WASL: variants seen among roughly 807,000 people sequenced by gnomAD.
WASL encodes actin nucleation-promoting factor WASL.
Under a neutral mutation model 55.5 loss-of-function variants are expected in WASL, and 20 were observed. The ratio of observed to expected loss-of-function variants is 0.36; its 90% CI spans 0.25 to 0.52. The LOEUF (loss-of-function observed/expected upper bound fraction) is 0.52, where lower values mean the gene tolerates loss of function less well. Among genes scored for constraint, WASL ranks in the 20% least tolerant of loss-of-function variants. The pLI, the probability that WASL is intolerant of heterozygous loss-of-function variation, is 0.92. For missense variants in WASL, 504 were observed against 622.5 expected, an observed-to-expected ratio of 0.81 and a Z score of 2.03; for synonymous variants, 249 against 217.6, an observed-to-expected ratio of 1.14 and a Z score of -1.27.
chr7:123,709,379 G>A (rs1257737536), intron 1 of WASL, among the ~76,000 whole-genome samples, 156 bp from the exon 2 acceptor site: 1 of 152,152 alleles, frequency 6.6e-6, no homozygotes, highest in Non-Finnish European at 1.5e-5. Flanking sequence ...GTTATTTTAA[G>A]CCACTAGTTT....
chr7:123,733,913 CAAAAAAA>C (rs33913069), intron 1 of WASL, among the ~76,000 whole-genome samples: 7 of 110,798 alleles, frequency 6.3e-5, no homozygotes, highest in Non-Finnish European at 1.1e-4. Flanking sequence ...ATCCACGTGC[CAAAAAAA>C]AAAAAAAAAA....
chr7:123,687,295 G>A (rs1055788661), intron 10 of WASL, among the ~76,000 whole-genome samples: 1 of 152,020 alleles, frequency 6.6e-6, no homozygotes, highest in African/African-American at 2.4e-5. Context: ...ACCCTCCAAT[G>A]GCTTCCCATC....
intron 9 of WASL, among the ~76,000 whole-genome samples, chr7:123,689,999 G>A (rs1190725762): frequency 6.6e-6 from 1 of 151,946 alleles, no homozygotes; most frequent in Non-Finnish European, 1.5e-5. Flanking sequence ...AAAATTCAAA[G>A]TGGTTCCCCC....
chr7:123,707,023 C>T (rs549748708), intron 2 of WASL, among the ~76,000 whole-genome samples, 197 bp from the exon 3 acceptor site: 227 of 152,176 alleles, frequency 1.5e-3, no homozygotes, highest in African/African-American at 5.0e-3. Flanking sequence ...CACTGGATAA[C>T]GTATCTTTCA....
At chr7:123,691,569 G>A (rs899409207) in intron 9 of WASL, among the ~76,000 whole-genome samples, 18 of 152,180 alleles carry the variant, frequency 1.2e-4, no homozygotes, top group African/African-American at 2.4e-4. Context: ...GTGCTTCTGC[G>A]GTAAAACAGC....
chr7:123,704,733 A>C (rs1803641288), intron 4 of WASL, 76 bp from the exon 5 acceptor site: 5 of 1,001,544 alleles, frequency 5.0e-6, no homozygotes, highest in Non-Finnish European at 7.0e-6. Context: ...TAATTCACTA[A>C]ACTGTCTTAT....
At chr7:123,687,044 A>C (rs1024239007) in intron 10 of WASL, among the ~76,000 whole-genome samples, 6 of 152,044 alleles carry the variant, frequency 3.9e-5, no homozygotes, top group African/African-American at 1.4e-4. Context: ...TCAAACTCCT[A>C]ATCTTCCCTC....
intron 1 of WASL, among the ~76,000 whole-genome samples, chr7:123,713,150 TTC>T (rs1219684681): frequency 6.6e-6 from 1 of 152,154 alleles, no homozygotes; most frequent in Non-Finnish European, 1.5e-5. Context: ...TAAACATATT[TTC>T]TCTTTTTATT....
chr7:123,704,267 C>A (rs1362745758), intron 5 of WASL, among the ~76,000 whole-genome samples: 1 of 152,094 alleles, frequency 6.6e-6, no homozygotes, highest in African/African-American at 2.4e-5. Context: ...ATATTCTAGA[C>A]AAAATGTACT....
chr7:123,696,658 G>A lies in WASL; in HGVS notation c.550C>T (p.His184Tyr), dbSNP rs1803497236. The change falls in exon 6 of 11, where the codon CAT becomes TAT. Residue 184 changes from histidine to tyrosine, a missense_variant. By Grantham distance (83) the His-to-Tyr change is moderately conservative. Transcript: ENST00000223023. ...FYGPQVNNISHTKEKKKGKAK... is the reference protein window; with the variant it reads ...FYGPQVNNISYTKEKKKGKAK... Reference sequence around the variant, plus strand: ...TTTCCCTTCTTCTTTTCTTTGGTATGGGAGATGTTGTTGACTTGTGGACCA... The same window carrying A: ...TTTCCCTTCTTCTTTTCTTTGGTATAGGAGATGTTGTTGACTTGTGGACCA... 11 of 1,607,314 alleles carry A rather than the reference G, an allele frequency of 6.8e-6. No individual in the cohort carries two copies. Among genetic ancestry groups the A allele is most frequent in the Non-Finnish European group, 9.3e-6 (11 of 1,176,550 alleles).
intron 6 of WASL, 63 bp from the exon 7 acceptor site, chr7:123,695,928 T>G: frequency 2.0e-6 from 3 of 1,513,558 alleles, no homozygotes; most frequent in Non-Finnish European, 2.7e-6. Flanking sequence ...ATAAACACAA[T>G]ATATATGAAA....
chr7:123,687,477 A>G (rs1042300925), intron 10 of WASL, among the ~76,000 whole-genome samples: 1 of 152,004 alleles, frequency 6.6e-6, no homozygotes, highest in South Asian at 2.1e-4. Flanking sequence ...TGTTCTTTCC[A>G]TCGGATACAC....
intron 1 of WASL, among the ~76,000 whole-genome samples, chr7:123,729,911 T>C (rs571299225): frequency 3.4e-4 from 52 of 152,192 alleles, no homozygotes; most frequent in African/African-American, 1.1e-3. Context: ...GCTCAAAAAA[T>C]TAAGAATTCA....
In WASL at chr7:123,696,604, C is replaced by G; in HGVS notation, c.604G>C (p.Asp202His). The change falls in exon 6 of 11, where the codon GAT (aspartate) becomes CAT (histidine). Residue 202 changes from aspartate (D) to histidine (H), a missense_variant. Asp to His is a moderately conservative substitution (Grantham distance 81). Coordinates refer to ENST00000223023, the MANE Select transcript of WASL (RefSeq NM_003941.4). ...TGGAAATTGCTTGGTGTTCCTATAT[C>G]TGCCTTGGTTAATCTCTTCTTTTTA... Reference protein sequence around the residue: ...KAKKKRLTKADIGTPSNFQHI... With the variant: ...KAKKKRLTKAHIGTPSNFQHI... 1 of 1,593,614 alleles carries G rather than the reference C, an allele frequency of 6.3e-7. No individual in the cohort carries two copies. The highest frequency in any genetic ancestry group is 8.5e-7 in the Non-Finnish European group (1 of 1,170,818).
In WASL at chr7:123,709,086, C is replaced by A. The variant is rs140985443; in HGVS notation, c.252+3G>T. ...TTTAAAGTGAAAGCAAAACAAAACT[C>A]ACCTTAATGTCAAATATTCTTAAAA... On this transcript the variant is annotated splice_donor_region_variant and intron_variant, in intron 2 of 10. Coordinates refer to ENST00000223023, the MANE Select transcript of WASL (RefSeq NM_003941.4). 4.5e-4 allele frequency: 716 copies of A among 1,595,232 alleles called. 3 individuals carry two copies. In the African/African-American group the frequency reaches 8.6e-3, roughly 19 times the overall value.
intron 10 of WASL, among the ~76,000 whole-genome samples, chr7:123,686,455 G>A (rs1803291820): frequency 6.6e-6 from 1 of 152,016 alleles, no homozygotes; most frequent in South Asian, 2.1e-4. Context: ...AGAGGAAGAA[G>A]TAGCTAATAA....
chr7:123,706,670 A>C (rs1803676715), intron 3 of WASL, 70 bp downstream of exon 3: 1 of 1,147,044 alleles, frequency 8.7e-7, no homozygotes, highest in East Asian at 2.4e-5. Context: ...AAGGTTCTAT[A>C]AATAATTTGG....
intron 1 of WASL, among the ~76,000 whole-genome samples, chr7:123,728,009 C>T (rs1387583279): frequency 6.6e-6 from 1 of 152,132 alleles, no homozygotes; most frequent in Non-Finnish European, 1.5e-5. Flanking sequence ...AAATGTACCT[C>T]ACTTTACAAG....
At chr7:123,687,249 C>A (rs1378549347) in intron 10 of WASL, among the ~76,000 whole-genome samples, 2 of 152,114 alleles carry the variant, frequency 1.3e-5, no homozygotes, top group African/African-American at 4.8e-5. Flanking sequence ...GCCTCCATCA[C>A]CTCTTGCTTG....
Sources: allele counts gnomAD v4.1 joint callset (sites outside exome capture counted in the v4.1 genomes callset), GRCh38; gene constraint gnomAD v4.1.1; transcripts MANE v1.5; gene names NCBI Gene and HGNC (gene_info 2026-07-23, HGNC 2026-07-21).